Variants in ETV1 observed in about 807,000 individuals in gnomAD.
The protein encoded by ETV1 is ETS translocation variant 1.
Under a neutral mutation model 62.3 loss-of-function variants are expected in ETV1, and 27 were observed. The ratio of observed to expected loss-of-function variants is 0.43; its 90% CI spans 0.32 to 0.60. ETV1 has a LOEUF of 0.60. ETV1 is among the 20% of genes least tolerant of loss of function. The probability of loss-of-function intolerance (pLI) is 0.06; values close to 1 mark genes in which losing one functional copy is unlikely to be tolerated. For missense variants in ETV1, 605 were observed against 605.8 expected, an observed-to-expected ratio of 1.00 and a Z score of 0.01; for synonymous variants, 222 against 199.6, an observed-to-expected ratio of 1.11 and a Z score of -0.94.
At chr7:13,984,744 T>G (rs1174919989) in intron 5 of ETV1, among the ~76,000 whole-genome samples, 1 of 152,008 alleles carries the variant, frequency 6.6e-6, no homozygotes, top group Non-Finnish European at 1.5e-5. Context: ...GTCCATGTTC[T>G]TCCAAATACA....
Position 13,906,538 on chromosome 7 carries a change from T to C in ETV1, c.1002A>G (p.Ser334=). Residue 334 remains serine (S), a synonymous_variant, in exon 12 of 14, where the codon TCA becomes TCG. Coordinates refer to ENST00000430479, the MANE Select transcript of ETV1 (RefSeq NM_004956.5). ...CTACCAAAAACTGCCAGAGCTGAAG[T>C]GATCCTCGCCGTTGGTATGTGGGTC... ...REGPTYQRRG[S]LQLWQFLVAL... 6.2e-7 allele frequency: 1 copy of C among 1,612,562 alleles called. No individual in the cohort carries two copies. Among genetic ancestry groups the C allele is most frequent in the Non-Finnish European group, 8.5e-7 (1 of 1,179,244 alleles).
chr7:13,959,025 A>C (rs2128480669), intron 6 of ETV1: 1 of 150,084 alleles, frequency 6.7e-6, no homozygotes, highest in East Asian at 2.0e-4. Context: ...AAGTACTCCA[A>C]TCTGTGTTGA....
At chr7:13,930,959 C>T (rs1786062374) in intron 9 of ETV1, among the ~76,000 whole-genome samples, 1 of 151,780 alleles carries the variant, frequency 6.6e-6, no homozygotes, top group South Asian at 2.1e-4. Flanking sequence ...TGCCACCATG[C>T]CTGGCTAATT....
At chr7:13,900,683 G>T in intron 13 of ETV1, 55 bp downstream of exon 13, 8 of 1,225,622 alleles carry the variant, frequency 6.5e-6, no homozygotes, top group Non-Finnish European at 9.3e-6. Flanking sequence ...AAAGTATGAT[G>T]TTCAGATTAA....
At chr7:13,953,329 T>C (rs139301179) in intron 6 of ETV1, among the ~76,000 whole-genome samples, 44 of 152,314 alleles carry the variant, frequency 2.9e-4, no homozygotes, top group African/African-American at 1.1e-3. Context: ...TTTATGAATA[T>C]TGAAACACCT....
At chr7:13,960,258 T>G (rs1417546828) in intron 6 of ETV1, among the ~76,000 whole-genome samples, 1 of 152,186 alleles carries the variant, frequency 6.6e-6, no homozygotes, top group Non-Finnish European at 1.5e-5. Flanking sequence ...GCAATCATCT[T>G]AAATTCCTTT....
At chr7:13,915,638 C>T (rs1784070245) in intron 9 of ETV1, among the ~76,000 whole-genome samples, 1 of 152,130 alleles carries the variant, frequency 6.6e-6, no homozygotes, top group African/African-American at 2.4e-5. Flanking sequence ...AAATGCAAAG[C>T]CATCACGTAT....
At chr7:13,898,897 G>A (rs1782113504) in intron 13 of ETV1, among the ~76,000 whole-genome samples, 1 of 152,180 alleles carries the variant, frequency 6.6e-6, no homozygotes, top group Non-Finnish European at 1.5e-5. Context: ...TACTCAGGAG[G>A]CTGAGGCAGG....
intron 6 of ETV1, among the ~76,000 whole-genome samples, chr7:13,963,545 C>A (rs78913530): frequency 6.8e-6 from 1 of 147,248 alleles, no homozygotes; most frequent in Non-Finnish European, 1.5e-5. Flanking sequence ...AAAAAAAAAA[C>A]TTCATGCACA....
At chr7:13,939,357 A>T (rs1787208159) in intron 6 of ETV1, 111 bp from the exon 7 acceptor site, 1 of 878,266 alleles carries the variant, frequency 1.1e-6, no homozygotes, top group Non-Finnish European at 1.6e-6. Flanking sequence ...ATATTAACTT[A>T]CATATGTAAG....
intron 8 of ETV1, among the ~76,000 whole-genome samples, chr7:13,932,615 T>C (rs1483933601): frequency 6.6e-6 from 1 of 152,220 alleles, no homozygotes; most frequent in Non-Finnish European, 1.5e-5. Flanking sequence ...GGTTATACTT[T>C]ATAACAATTG....
rs759456092 is a variant in ETV1, at chr7:13,909,629, T to C, written c.940+3A>G. On this transcript the variant is annotated splice_donor_region_variant and intron_variant, in intron 11 of 13. Coordinates refer to ENST00000430479, the MANE Select transcript of ETV1 (RefSeq NM_004956.5). Reference sequence around the variant, plus strand: ...AGAACTTGAGGCAAAGTGTAAAACCTACCATCGAATTTTTCTGGGACAACA... The same window carrying C: ...AGAACTTGAGGCAAAGTGTAAAACCCACCATCGAATTTTTCTGGGACAACA... The C allele has an allele frequency of 1.5e-5, 24 of 1,611,368 alleles. No homozygotes were observed. Among genetic ancestry groups the C allele is most frequent in the Non-Finnish European group, 1.8e-5 (21 of 1,177,844 alleles).
chr7:13,899,012 T>C (rs1031420948), intron 13 of ETV1, among the ~76,000 whole-genome samples: 1 of 152,206 alleles, frequency 6.6e-6, no homozygotes, highest in Admixed American at 6.5e-5. Flanking sequence ...GCAACTTTAA[T>C]GAGGCAAGAA....
chr7:13,917,443 T>C (rs952479692), intron 9 of ETV1, among the ~76,000 whole-genome samples: 1 of 151,636 alleles, frequency 6.6e-6, no homozygotes, highest in Admixed American at 6.6e-5. Flanking sequence ...TCAGCCTCCC[T>C]AGTAGCTGGG....
At chr7:13,988,619 A>AC in intron 3 of ETV1, 1 of 1,279,318 alleles carries the variant, frequency 7.8e-7, no homozygotes, top group East Asian at 2.8e-5. Context: ...AGAGAAAATG[A>AC]GAAAAAAAAA....
chr7:13,935,615 C>A, intron 8 of ETV1, 93 bp downstream of exon 8: 1 of 1,073,246 alleles, frequency 9.3e-7, no homozygotes. Flanking sequence ...ATAGGCTCAC[C>A]TTAAATCTAC....
intron 6 of ETV1, among the ~76,000 whole-genome samples, chr7:13,945,755 T>C (rs1441185242): frequency 2.0e-5 from 3 of 152,200 alleles, no homozygotes; most frequent in African/African-American, 4.8e-5. Context: ...AATCTGAGTC[T>C]GCTAACAGGC....
chr7:13,908,246 GAATA>G (rs1452424967), intron 11 of ETV1, among the ~76,000 whole-genome samples: 1 of 152,100 alleles, frequency 6.6e-6, no homozygotes, highest in African/African-American at 2.4e-5. Flanking sequence ...AAGTCGAAGG[GAATA>G]AATAATCAAG....
intron 6 of ETV1, among the ~76,000 whole-genome samples, chr7:13,942,541 C>T (rs1787676382): frequency 6.6e-6 from 1 of 152,036 alleles, no homozygotes. Context: ...GTTATTTTTT[C>T]TGACCCTCTT....
Sources: allele counts gnomAD v4.1 joint callset (sites outside exome capture counted in the v4.1 genomes callset), GRCh38; gene constraint gnomAD v4.1.1; transcripts MANE v1.5; gene names NCBI Gene and HGNC (gene_info 2026-07-23, HGNC 2026-07-21).